The following TTC27 variants were observed in gnomAD, a reference collection of about 807,000 sequenced individuals.
TTC27 encodes the protein tetratricopeptide repeat protein 27.
A neutral mutation model predicts 115.9 loss-of-function variants in TTC27; 79 were observed. The observed-to-expected ratio is 0.68, with a 90% CI of 0.57 to 0.82. TTC27 has a LOEUF of 0.82. Ranked by LOEUF, TTC27 falls within the 40% of genes least tolerant of loss-of-function variation. TTC27 has a pLI of 0.00. For missense variants in TTC27, 1,054 were observed against 993.1 expected (o/e 1.06, Z -0.82); for synonymous variants, 401 against 356.0 (o/e 1.13, Z -1.42).
intron 5 of TTC27, among the ~76,000 whole-genome samples, chr2:32,657,761 C>A (rs926934078): frequency 5.9e-5 from 9 of 152,130 alleles, no homozygotes; most frequent in Admixed American, 2.0e-4. Flanking sequence ...CCTGGCATTG[C>A]CACTTAATGA....
In TTC27 at chr2:32,812,618, A is replaced by G. The variant is rs1465278303; in HGVS notation, c.2308+3A>G. The G allele has an allele frequency of 1.3e-6, 2 of 1,599,418 alleles. No homozygotes were observed. Among genetic ancestry groups the G allele is most frequent in the Admixed American group, 1.7e-5 (1 of 59,964 alleles). ...AAGAGCCTTAGGACTTGCACATGGT[A>G]TTTGATGTAACATTTGATATCCATG... On this transcript the variant is annotated splice_donor_region_variant and intron_variant, in intron 18 of 19. Coordinates refer to ENST00000317907, the MANE Select transcript of TTC27 (RefSeq NM_017735.5).
At chr2:32,715,707 C>A (rs1430694514) in intron 10 of TTC27, among the ~76,000 whole-genome samples, 1 of 152,118 alleles carries the variant, frequency 6.6e-6, no homozygotes, top group African/African-American at 2.4e-5. Flanking sequence ...TTATATGGCA[C>A]TCATGACCTA....
chr2:32,788,022 A>G (rs1363441302), intron 16 of TTC27, among the ~76,000 whole-genome samples: 2 of 152,190 alleles, frequency 1.3e-5, no homozygotes. Context: ...GGCAAAGGGC[A>G]CTGATGAGAC....
intron 9 of TTC27, among the ~76,000 whole-genome samples, chr2:32,685,770 G>T (rs1666608000): frequency 6.6e-6 from 1 of 152,170 alleles, no homozygotes; most frequent in Non-Finnish European, 1.5e-5. Context: ...TTGGTGAAAA[G>T]TAGTCTTTCC....
chr2:32,751,939 C>A (rs1448291929), intron 12 of TTC27, among the ~76,000 whole-genome samples: 1 of 152,136 alleles, frequency 6.6e-6, no homozygotes, highest in African/African-American at 2.4e-5. Flanking sequence ...TAATGTTATA[C>A]ATATCAAGTT....
In TTC27 at chr2:32,726,815, G is replaced by A. The variant is rs867217447; in HGVS notation, c.1234-7013G>A. On this transcript the variant is annotated intron_variant, in intron 10 of 19. Coordinates refer to ENST00000317907, the MANE Select transcript of TTC27 (RefSeq NM_017735.5). Reference sequence around the variant, plus strand: ...GACTGGGTAATTTACATAGGAAAACGGGGTTTAATGGACTTACAGTTTCAC... The same window carrying A: ...GACTGGGTAATTTACATAGGAAAACAGGGTTTAATGGACTTACAGTTTCAC... 3.9e-5 allele frequency among the ~76,000 whole-genome samples: 6 copies of A among 152,254 alleles called. No individual in the cohort carries two copies. In the South Asian group the frequency reaches 6.2e-4, roughly 16 times the overall value.
At chr2:32,812,639 C>T in intron 18 of TTC27, 24 bp downstream of exon 18, 1 of 1,545,590 alleles carries the variant, frequency 6.5e-7, no homozygotes, top group Non-Finnish European at 8.9e-7. Context: ...CATTTGATAT[C>T]CATGGAATGT....
At chr2:32,647,824 G>A (rs975198630) in intron 4 of TTC27, among the ~76,000 whole-genome samples, 1 of 151,666 alleles carries the variant, frequency 6.6e-6, no homozygotes, top group African/African-American at 2.4e-5. Flanking sequence ...ACTCCAACCT[G>A]GACAGTGTAC....
At chr2:32,673,311 G>A (rs1379352346) in intron 8 of TTC27, among the ~76,000 whole-genome samples, 2 of 149,078 alleles carry the variant, frequency 1.3e-5, no homozygotes, top group African/African-American at 5.0e-5. Context: ...TGCAACCTCC[G>A]CCCCACGGGC....
intron 3 of TTC27, 51 bp from the exon 4 acceptor site, chr2:32,640,219 G>T: frequency 6.6e-7 from 1 of 1,516,056 alleles, no homozygotes; most frequent in Non-Finnish European, 9.0e-7. Flanking sequence ...GACATATAAA[G>T]ATTAATATTT....
rs1380105310 is a variant in TTC27 at position 32,713,151 on chromosome 2, T to G, written c.1233+10231T>G. ...GAGGTCTTTTCCAGATGCTGGCCCT[T>G]CCATCTTAGACTTCCCCGTCTCCAG... On this transcript the variant is annotated intron_variant, in intron 10 of 19. Transcript: ENST00000317907. Among the ~76,000 whole-genome samples, 4 of 152,122 alleles carry G rather than the reference T, an allele frequency of 2.6e-5. No homozygotes were observed. In the South Asian group the frequency reaches 8.3e-4, roughly 31 times the overall value.
chr2:32,632,343 C>G (rs1664252382), intron 2 of TTC27, among the ~76,000 whole-genome samples: 1 of 152,004 alleles, frequency 6.6e-6, no homozygotes, highest in Non-Finnish European at 1.5e-5. Flanking sequence ...TGTGCACTCT[C>G]ATAGCAACTA....
At chr2:32,713,063 T>G (rs570827315) in intron 10 of TTC27, among the ~76,000 whole-genome samples, 15 of 152,168 alleles carry the variant, frequency 9.9e-5, no homozygotes, top group Non-Finnish European at 1.3e-4. Flanking sequence ...TTTGGCTTCC[T>G]TCCCTCTCTC....
At chr2:32,749,485 A>T (rs1165946394) in intron 12 of TTC27, among the ~76,000 whole-genome samples, 1 of 152,232 alleles carries the variant, frequency 6.6e-6, no homozygotes, top group Non-Finnish European at 1.5e-5. Context: ...TGCTCTTCTT[A>T]CCAAGATTTA....
At chr2:32,785,802 G>C (rs550512900) in intron 15 of TTC27, among the ~76,000 whole-genome samples, 158 of 152,176 alleles carry the variant, frequency 1.0e-3, no homozygotes, top group African/African-American at 3.7e-3. Flanking sequence ...CATCATGTTG[G>C]TCAGGATGGC....
At chr2:32,760,809 T>C (rs959498143) in intron 13 of TTC27, among the ~76,000 whole-genome samples, 2 of 152,136 alleles carry the variant, frequency 1.3e-5, no homozygotes, top group African/African-American at 4.8e-5. Flanking sequence ...CTCACAGACA[T>C]GAATTGTTCT....
chr2:32,681,649 C>CT (rs5830239), intron 9 of TTC27, among the ~76,000 whole-genome samples: 99,494 of 140,638 alleles, frequency 0.71, 35,116 homozygotes, highest in South Asian at 0.82. Flanking sequence ...AGATATTCAG[C>CT]TTTTTTTTTT....
chr2:32,812,670 CAGAAA>C (rs1329915771), intron 18 of TTC27, 55 bp downstream of exon 18: 9 of 1,314,798 alleles, frequency 6.8e-6, no homozygotes, highest in Non-Finnish European at 9.9e-6. Flanking sequence ...TTTCTACTGA[CAGAAA>C]AGAGTGTTGG....
In TTC27 at chr2:32,628,251, C is replaced by T. The variant is rs1295353231; in HGVS notation, c.-42C>T. The T allele has an allele frequency of 6.4e-7, 1 of 1,569,484 alleles. No individual in the cohort carries two copies. Among genetic ancestry groups the T allele is most frequent in the Non-Finnish European group, 8.7e-7 (1 of 1,153,576 alleles). ...CTTTCTTTTGTTGACTCCCGTGTGG[C>T]CCTCGTGGGAGCCTGTTTTGGCTGC... On this transcript the variant is annotated 5_prime_UTR_variant, in exon 1 of 20. Coordinates refer to ENST00000317907, the MANE Select transcript of TTC27 (RefSeq NM_017735.5).
Sources: gnomAD v4.1 joint callset for allele counts (sites outside exome capture counted in the v4.1 genomes callset) on GRCh38, gnomAD v4.1.1 for gene constraint, MANE v1.5 for transcripts, NCBI Gene and HGNC (gene_info 2026-07-23, HGNC 2026-07-21) for gene names.